The following FAAH2 variants were observed in gnomAD, a reference collection of about 807,000 sequenced individuals.
FAAH2 encodes the protein fatty acid amide hydrolase 2, also known as fatty-acid amide hydrolase 2.
FAAH2 carries 60 observed loss-of-function variants against 36.9 expected under a neutral mutation model. That is an observed-to-expected ratio of 1.63 (90% confidence interval 1.32 to 2.02). FAAH2 has a LOEUF of 2.02. Ranked by LOEUF, FAAH2 falls within the 30% of genes most tolerant of loss-of-function variation. The pLI, the probability that FAAH2 is intolerant of heterozygous loss-of-function variation, is 0.00. For synonymous variants in FAAH2, 214 were observed against 143.8 expected, an observed-to-expected ratio of 1.49 and a Z score of -3.49; for missense variants, 689 against 397.5, an observed-to-expected ratio of 1.73 and a Z score of -6.23.
chrX:57,386,688 C>T (rs769253474), intron 7 of FAAH2, among the ~76,000 whole-genome samples: 20 of 111,751 alleles, frequency 1.8e-4, no homozygotes, highest in African/African-American at 5.2e-4. Flanking sequence ...CTTCCCTTTA[C>T]GGTATTAAAA....
chrX:57,226,451 T>C, the FAAH2 span, among the ~76,000 whole-genome samples: 1 of 112,093 alleles, frequency 8.9e-6, no homozygotes, highest in Non-Finnish European at 1.9e-5. Flanking sequence ...GATAATTGTT[T>C]TGTTTGAGAA....
chrX:57,478,220 T>C (rs2057308041), intron 10 of FAAH2, among the ~76,000 whole-genome samples: 1 of 112,154 alleles, frequency 8.9e-6, no homozygotes, highest in Non-Finnish European at 1.9e-5. Context: ...GGTTTTGATA[T>C]GCATTTCTCT....
the FAAH2 span, among the ~76,000 whole-genome samples, chrX:57,154,441 T>A: frequency 3.7e-5 from 4 of 107,967 alleles, no homozygotes; most frequent in East Asian, 5.9e-4. Flanking sequence ...TTTTTTTTTT[T>A]ATTGCATTTT....
At chrX:57,468,071 G>C (rs1354286822) in intron 10 of FAAH2, among the ~76,000 whole-genome samples, 4 of 111,659 alleles carry the variant, frequency 3.6e-5, no homozygotes, top group Admixed American at 9.5e-5. Context: ...CAAAAAGAAA[G>C]GACATCCACA....
chrX:57,264,897 G>A, the FAAH2 span, among the ~76,000 whole-genome samples: 3 of 111,924 alleles, frequency 2.7e-5, no homozygotes, highest in Admixed American at 1.9e-4. Flanking sequence ...CAAAGGGGCA[G>A]GTAAATACAG....
chrX:57,482,709 A>T (rs1277045312), intron 10 of FAAH2, among the ~76,000 whole-genome samples: 173 of 63,720 alleles, frequency 2.7e-3, no homozygotes, highest in Middle Eastern at 0.019. Flanking sequence ...CATTCCCTCA[A>T]TTTTTTTTTT....
intron 10 of FAAH2, among the ~76,000 whole-genome samples, chrX:57,470,411 C>T (rs777958675): frequency 4.5e-5 from 5 of 111,177 alleles, no homozygotes; most frequent in East Asian, 5.6e-4. Flanking sequence ...AATGATAAAG[C>T]GGATATCAAC....
chrX:57,412,853 G>A (rs897745934), intron 7 of FAAH2, among the ~76,000 whole-genome samples: 5 of 111,896 alleles, frequency 4.5e-5, no homozygotes, highest in Non-Finnish European at 7.5e-5. Flanking sequence ...CTGTAAAAGC[G>A]TTCCTATTTC....
At chrX:57,345,174 C>G (rs1189044750) in intron 5 of FAAH2, among the ~76,000 whole-genome samples, 1 of 104,519 alleles carries the variant, frequency 9.6e-6, no homozygotes, top group East Asian at 3.0e-4. Flanking sequence ...GGTTTTCTCC[C>G]TTCCCTTCCC....
intron 7 of FAAH2, among the ~76,000 whole-genome samples, chrX:57,425,185 T>C (rs1393784173): frequency 9.0e-6 from 1 of 111,071 alleles, no homozygotes; most frequent in African/African-American, 3.3e-5. Context: ...AAAAAAGAAA[T>C]AGTTTCAAAA....
chrX:57,360,050 G>C (rs954280273), intron 5 of FAAH2, among the ~76,000 whole-genome samples: 3 of 107,829 alleles, frequency 2.8e-5, no homozygotes, highest in African/African-American at 6.8e-5. Context: ...GAAATATGGT[G>C]ATAGTCTTAT....
chrX:57,360,494 T>C (rs1057177778), intron 5 of FAAH2, among the ~76,000 whole-genome samples: 1 of 110,646 alleles, frequency 9.0e-6, no homozygotes, highest in East Asian at 2.9e-4. Flanking sequence ...TCCATTATTC[T>C]ATTCTTCAGC....
chrX:57,389,260 A>ACG (rs1317026892), intron 7 of FAAH2, among the ~76,000 whole-genome samples: 1 of 70,273 alleles, frequency 1.4e-5, no homozygotes, highest in Non-Finnish European at 2.8e-5. Flanking sequence ...ACACATACAC[A>ACG]CGCACACACA....
chrX:57,281,867 G>A (rs2051757914), upstream of FAAH2, among the ~76,000 whole-genome samples: 1 of 111,691 alleles, frequency 9.0e-6, no homozygotes, highest in Non-Finnish European at 1.9e-5. Context: ...AGGGCCTCCA[G>A]CTCCATCCAT....
At chrX:57,134,610 A>G in the FAAH2 span, 2 of 111,459 alleles carry the variant, frequency 1.8e-5, no homozygotes, top group Non-Finnish European at 3.8e-5. Flanking sequence ...AAGGAATAGG[A>G]GTGATGAGAC....
chrX:57,450,862 A>G (rs1329289694), intron 10 of FAAH2, among the ~76,000 whole-genome samples: 1 of 111,393 alleles, frequency 9.0e-6, no homozygotes, highest in Non-Finnish European at 1.9e-5. Context: ...TATTGGAGAC[A>G]TGTATATGTT....
intron 10 of FAAH2, among the ~76,000 whole-genome samples, chrX:57,480,923 C>T (rs1284346554): frequency 9.2e-6 from 1 of 109,001 alleles, no homozygotes; most frequent in East Asian, 2.9e-4. Flanking sequence ...TTCTTGGAGG[C>T]TTTGTTTTTT....
chrX:57,232,241 A>T, the FAAH2 span, among the ~76,000 whole-genome samples: 1 of 111,925 alleles, frequency 8.9e-6, no homozygotes. Context: ...CACAAAGGAA[A>T]TAGTTGTGTA....
the FAAH2 span, among the ~76,000 whole-genome samples, chrX:57,173,991 G>A: frequency 1.8e-5 from 2 of 110,672 alleles, no homozygotes; most frequent in South Asian, 3.8e-4. Flanking sequence ...CAGGATTTTT[G>A]CATCTATAAT....
Sources: allele counts gnomAD v4.1 joint callset (sites outside exome capture counted in the v4.1 genomes callset), GRCh38; gene constraint gnomAD v4.1.1; transcripts MANE v1.5; gene names NCBI Gene and HGNC (gene_info 2026-07-23, HGNC 2026-07-21).